Variants in LASP1 observed in about 807,000 individuals in gnomAD.
LASP1 encodes the protein LIM and SH3 domain protein 1.
In LASP1, 10 loss-of-function variants were observed where a neutral mutation model predicts 38.6. That is an observed-to-expected ratio of 0.26 (90% confidence interval 0.16 to 0.44). The LOEUF (loss-of-function observed/expected upper bound fraction) is 0.44. LASP1 is among the 20% of genes least tolerant of loss of function. The probability of loss-of-function intolerance (pLI) is 1.00; values close to 1 mark genes in which losing one functional copy is unlikely to be tolerated. For missense variants in LASP1, 243 were observed against 375.7 expected (o/e 0.65, Z 2.92); for synonymous variants, 132 against 140.8 (o/e 0.94, Z 0.44).
Position 38,921,214 on chromosome 17 carries a change from GTCT to G in LASP1, c.*2440_*2442del. ...TGGGCTGGGCTGGGCTGAGCCCCTG[GTCT>G]TCTCTACAGTTCACAGAGGTCTTTC... On this transcript the variant is annotated 3_prime_UTR_variant, in exon 7 of 7. Transcript: ENST00000318008. The G allele has an allele frequency of 4.4e-6, 1 of 229,360 alleles. No individual in the cohort carries two copies. Among genetic ancestry groups the G allele is most frequent in the Non-Finnish European group, 8.7e-6 (1 of 115,486 alleles). 14.2% of individuals were successfully genotyped at this position (229,360 alleles called of 1,614,324 possible). A position where few individuals can be genotyped will look rare whatever the true frequency, so the allele number is the denominator to read the frequency against.
intron 4 of LASP1, among the ~76,000 whole-genome samples, chr17:38,907,372 A>G (rs940972289): frequency 6.6e-6 from 1 of 152,180 alleles, no homozygotes; most frequent in Non-Finnish European, 1.5e-5. Context: ...ATCCCTGAGC[A>G]GCAGACATGA....
At chr17:38,899,367 T>C (rs867269122) in intron 4 of LASP1, among the ~76,000 whole-genome samples, 2 of 152,174 alleles carry the variant, frequency 1.3e-5, no homozygotes, top group Middle Eastern at 3.2e-3. Context: ...CTGCCCATTG[T>C]TGCTCTGGGC....
Position 38,918,837 on chromosome 17 carries a change from G to A in LASP1, c.*59G>A, listed in dbSNP as rs367595744. ...CCACGGCATCGCATCCGTCCTGGGC[G>A]TGACCCGTCCATTCTTCAGTGTCTC... On this transcript the variant is annotated 3_prime_UTR_variant, in exon 7 of 7. Coordinates refer to ENST00000318008, the MANE Select transcript of LASP1 (RefSeq NM_006148.4). The surrounding 1 kb of genome is among the most constrained non-coding windows in gnomAD (Gnocchi z 4.4). 9 of 1,570,194 alleles carry A rather than the reference G, an allele frequency of 5.7e-6. No individual in the cohort carries two copies. The highest frequency in any genetic ancestry group is 2.2e-5 in the South Asian group (2 of 89,806).
At chr17:38,907,293 C>T (rs1914801204) in intron 4 of LASP1, among the ~76,000 whole-genome samples, 1 of 152,112 alleles carries the variant, frequency 6.6e-6, no homozygotes, top group South Asian at 2.1e-4. Flanking sequence ...TGGTGTCCCT[C>T]TCTCTCGAGT....
intron 4 of LASP1, among the ~76,000 whole-genome samples, chr17:38,906,409 G>A (rs1201367349): frequency 6.6e-6 from 1 of 152,104 alleles, no homozygotes; most frequent in Non-Finnish European, 1.5e-5. Context: ...CACCCCTGTA[G>A]TCTCAGCTAC....
chr17:38,899,971 G>A (rs143107861), intron 4 of LASP1, among the ~76,000 whole-genome samples: 89 of 151,810 alleles, frequency 5.9e-4, no homozygotes, highest in Middle Eastern at 3.4e-3. Flanking sequence ...CTCAGGTGAT[G>A]TGCCCGCCTT....
Position 38,918,123 on chromosome 17 carries a change from A to G in LASP1, c.613-482A>G, listed in dbSNP as rs1479976465. Among the ~76,000 whole-genome samples, 2 of 150,822 alleles carry G rather than the reference A, an allele frequency of 1.3e-5. No individual in the cohort carries two copies. The highest frequency in any genetic ancestry group is 6.6e-5 in the Admixed American group (1 of 15,122). On this transcript the variant is annotated intron_variant, in intron 6 of 6. Coordinates refer to ENST00000318008, the MANE Select transcript of LASP1 (RefSeq NM_006148.4). This position sits in a 1 kb window ranked among gnomAD's most constrained non-coding sequence, Gnocchi z 4.4. The stretch of plus-strand genomic sequence containing the variant: ...CCATTGCACTCCAGCTTGGGTGACA[A>G]AGCAAGACTCCATCTCAAAAAAAAA...
chr17:38,875,354 T>C (rs1010203395), intron 1 of LASP1, among the ~76,000 whole-genome samples: 1 of 145,396 alleles, frequency 6.9e-6, no homozygotes, highest in Non-Finnish European at 1.5e-5. Flanking sequence ...TTCTGTGTGT[T>C]GGGGTATGCA....
chr17:38,877,083 T>C (rs1913802889), intron 1 of LASP1, among the ~76,000 whole-genome samples: 3 of 152,140 alleles, frequency 2.0e-5, no homozygotes. Flanking sequence ...ACACACACAA[T>C]CTCCAGTGTG....
chr17:38,885,428 C>G (rs1473448742), intron 2 of LASP1, among the ~76,000 whole-genome samples: 1 of 152,232 alleles, frequency 6.6e-6, no homozygotes, highest in African/African-American at 2.4e-5. Context: ...CCTGCCCTAT[C>G]CCTGTCCAGT....
rs1179437257 is a variant in LASP1, at chr17:38,914,618, G to A, written c.508+143G>A. The A allele has an allele frequency of 5.4e-6, 6 of 1,110,868 alleles. No homozygotes were observed. The African/African-American group carries it at 6.3e-5, about 12-fold the overall frequency. 68.8% of individuals were successfully genotyped at this position (1,110,868 alleles called of 1,614,324 possible). ...GCGATTATGCCTCTTGTGTGCAAGA[G>A]GGGACCAGAGGACCTGAGGCCGGGC... On this transcript the variant is annotated intron_variant, in intron 5 of 6. Coordinates refer to ENST00000318008, the MANE Select transcript of LASP1 (RefSeq NM_006148.4).
intron 2 of LASP1, among the ~76,000 whole-genome samples, chr17:38,884,526 T>C (rs901664250): frequency 3.3e-5 from 5 of 151,880 alleles, no homozygotes; most frequent in Non-Finnish European, 7.4e-5. Context: ...TAGCGGGGAT[T>C]ACAGGAGGCC....
chr17:38,914,919 AGCTGTGGG>A, intron 5 of LASP1, 116 bp from the exon 6 acceptor site: 1 of 838,916 alleles, frequency 1.2e-6, no homozygotes, highest in Non-Finnish European at 2.0e-6. Context: ...TCAGCCTTTG[AGCTGTGGG>A]GCTTGAGCCA....
chr17:38,920,143 T>TGGGGCTGCCATA lies in LASP1; in HGVS notation c.*1369_*1380dup. Reference sequence around the variant, plus strand: ...GGAAGGTAAGAGGTTGGTGTGGAGTTGGGGCTGCCATAGGGTCTGCAGCCT... The same window carrying TGGGGCTGCCATA: ...GGAAGGTAAGAGGTTGGTGTGGAGTTGGGGCTGCCATAGGGGCTGCCATAGGGTCTGCAGCCT... On this transcript the variant is annotated 3_prime_UTR_variant, in exon 7 of 7. Transcript: ENST00000318008. 3.7e-6 allele frequency: 2 copies of TGGGGCTGCCATA among 536,036 alleles called. No homozygotes were observed. Among genetic ancestry groups the TGGGGCTGCCATA allele is most frequent in the Non-Finnish European group, 7.2e-6 (2 of 276,078 alleles). The allele number at this position is 536,036 out of a possible 1,614,324, so 33.2% of individuals were successfully genotyped here.
intron 4 of LASP1, among the ~76,000 whole-genome samples, chr17:38,909,424 T>C (rs226226): frequency 0.75 from 114,101 of 151,498 alleles, 43,483 homozygotes; most frequent in African/African-American, 0.83. Flanking sequence ...CTGGCCAACA[T>C]GGTAAAAGCC....
intron 4 of LASP1, among the ~76,000 whole-genome samples, chr17:38,901,908 G>A (rs1914650901): frequency 6.6e-6 from 1 of 152,092 alleles, no homozygotes. Flanking sequence ...TGGGACTACA[G>A]GCGCCCGCCA....
chr17:38,913,451 G>A (rs960470376), intron 4 of LASP1, among the ~76,000 whole-genome samples: 4 of 152,218 alleles, frequency 2.6e-5, no homozygotes, highest in Non-Finnish European at 5.9e-5. Flanking sequence ...GGAATCGCCT[G>A]TTGATGAAGA....
At chr17:38,908,339 G>A (rs923544585) in intron 4 of LASP1, among the ~76,000 whole-genome samples, 2 of 152,264 alleles carry the variant, frequency 1.3e-5, no homozygotes, top group African/African-American at 2.4e-5. Flanking sequence ...TGGAAGGGCA[G>A]GTGCCTCGTG....
At chr17:38,874,426 C>G (rs1005397095) in intron 1 of LASP1, among the ~76,000 whole-genome samples, 1 of 151,900 alleles carries the variant, frequency 6.6e-6, no homozygotes, top group Non-Finnish European at 1.5e-5. Context: ...TGGCTCACAG[C>G]GGTTGTGGAG....
Sources: allele counts gnomAD v4.1 joint callset (sites outside exome capture counted in the v4.1 genomes callset), GRCh38; gene constraint gnomAD v4.1.1; non-coding constraint Gnocchi (gnomAD v3.1); transcripts MANE v1.5; gene names NCBI Gene and HGNC (gene_info 2026-07-23, HGNC 2026-07-21).